Variants in NKAIN2 observed in about 807,000 individuals in gnomAD.
NKAIN2 encodes the protein sodium/potassium-transporting ATPase subunit beta-1-interacting protein 2.
In NKAIN2, 14 loss-of-function variants were observed where a neutral mutation model predicts 32.6. That is an observed-to-expected ratio of 0.43 (90% confidence interval 0.28 to 0.67). The LOEUF is 0.67. NKAIN2 is among the 30% of genes least tolerant of loss of function. The probability of loss-of-function intolerance (pLI) is 0.17; values close to 1 mark genes in which losing one functional copy is unlikely to be tolerated. For synonymous variants in NKAIN2, 80 were observed against 87.2 expected, an observed-to-expected ratio of 0.92 and a Z score of 0.46; for missense variants, 198 against 258.3, an observed-to-expected ratio of 0.77 and a Z score of 1.60.
chr6:123,827,337 C>T (rs1417271078), intron 1 of NKAIN2, among the ~76,000 whole-genome samples: 1 of 152,064 alleles, frequency 6.6e-6, no homozygotes, highest in Admixed American at 6.6e-5. Context: ...ATACAGGAAC[C>T]CTGCTACTTT....
chr6:123,806,493 A>G (rs1265184362), intron 1 of NKAIN2, among the ~76,000 whole-genome samples: 3 of 152,224 alleles, frequency 2.0e-5, no homozygotes, highest in Admixed American at 2.0e-4. Flanking sequence ...GATTTTAAAT[A>G]AAATAATTCT....
intron 4 of NKAIN2, among the ~76,000 whole-genome samples, chr6:124,691,182 A>G (rs60490958): frequency 0.066 from 10,015 of 152,162 alleles, 494 homozygotes; most frequent in African/African-American, 0.14. Context: ...TTATTTTCCT[A>G]TGCCACATTT....
chr6:124,147,638 A>C (rs527313940), intron 1 of NKAIN2, among the ~76,000 whole-genome samples: 2 of 152,260 alleles, frequency 1.3e-5, no homozygotes, highest in Non-Finnish European at 2.9e-5. Context: ...AAACAAAAAC[A>C]AAAAAACTGA....
chr6:123,940,294 TGTTTG>T (rs1371504297), intron 1 of NKAIN2, among the ~76,000 whole-genome samples: 1 of 151,658 alleles, frequency 6.6e-6, no homozygotes. Flanking sequence ...TTTATGTGTG[TGTTTG>T]GTTTGTGTGT....
intron 2 of NKAIN2, among the ~76,000 whole-genome samples, chr6:124,319,751 A>C (rs151169256): frequency 9.9e-5 from 15 of 152,214 alleles, no homozygotes; most frequent in African/African-American, 3.1e-4. Flanking sequence ...ATCTTTTATT[A>C]TGCATCAGGA....
intron 1 of NKAIN2, among the ~76,000 whole-genome samples, chr6:124,167,933 A>C (rs1018273393): frequency 6.6e-6 from 1 of 152,198 alleles, no homozygotes. Context: ...AATGTTTATC[A>C]AAGTACATGT....
chr6:124,659,571 C>A lies in NKAIN2; in HGVS notation c.474+1185C>A, dbSNP rs538039043. Among the ~76,000 whole-genome samples the A allele has an allele frequency of 2.6e-5, 4 of 152,148 alleles. No individual in the cohort carries two copies. In the South Asian group the frequency reaches 8.3e-4, roughly 32 times the overall value. ...CTATGTTAGTAAACACTTCCAAATT[C>A]TCTGTAAATAAAAGTCATGAAGGTT... is the stretch of plus-strand genomic sequence containing the variant. On this transcript the variant is annotated intron_variant, in intron 4 of 6. Coordinates refer to ENST00000368417, the MANE Select transcript of NKAIN2 (RefSeq NM_001040214.3).
At chr6:124,388,199 C>T (rs1292514580) in intron 3 of NKAIN2, among the ~76,000 whole-genome samples, 1 of 151,834 alleles carries the variant, frequency 6.6e-6, no homozygotes, top group Non-Finnish European at 1.5e-5. Context: ...AAAAACCCTG[C>T]TTACCCTCTT....
chr6:124,803,483 T>C (rs1022826735), intron 5 of NKAIN2, among the ~76,000 whole-genome samples: 5 of 152,200 alleles, frequency 3.3e-5, no homozygotes, highest in East Asian at 1.9e-4. Context: ...CCCAAATTCT[T>C]TGTGTTCTTT....
intron 3 of NKAIN2, among the ~76,000 whole-genome samples, chr6:124,520,028 G>A (rs1246018152): frequency 6.6e-6 from 1 of 152,082 alleles, no homozygotes; most frequent in Non-Finnish European, 1.5e-5. Context: ...CTCGAGCAAG[G>A]TCACAGACAA....
chr6:123,824,960 G>C (rs1774085863), intron 1 of NKAIN2, among the ~76,000 whole-genome samples: 1 of 152,000 alleles, frequency 6.6e-6, no homozygotes, highest in Admixed American at 6.6e-5. Flanking sequence ...AACCCATTTG[G>C]GCTGCTGTGA....
intron 3 of NKAIN2, among the ~76,000 whole-genome samples, chr6:124,615,150 G>A (rs568714921): frequency 2.6e-5 from 4 of 152,108 alleles, no homozygotes; most frequent in Non-Finnish European, 4.4e-5. Flanking sequence ...CATGTATCAC[G>A]TCACATAAAA....
At chr6:124,412,811 G>T (rs1268135655) in intron 3 of NKAIN2, among the ~76,000 whole-genome samples, 1 of 152,192 alleles carries the variant, frequency 6.6e-6, no homozygotes, top group Admixed American at 6.5e-5. Context: ...TTGATCTGTG[G>T]TGGGCTCCAC....
chr6:124,725,900 G>A (rs954924988), intron 4 of NKAIN2, among the ~76,000 whole-genome samples: 6 of 152,250 alleles, frequency 3.9e-5, no homozygotes, highest in South Asian at 2.1e-4. Flanking sequence ...CTTGGGAAGC[G>A]CAAGGGGTCA....
chr6:124,014,151 G>C (rs539783171), intron 1 of NKAIN2, among the ~76,000 whole-genome samples: 52 of 152,000 alleles, frequency 3.4e-4, no homozygotes, highest in African/African-American at 1.3e-3. Context: ...CATTTGCATT[G>C]TTTCTTGTCA....
intron 4 of NKAIN2, among the ~76,000 whole-genome samples, chr6:124,715,116 C>T (rs1320535241): frequency 6.6e-6 from 1 of 152,194 alleles, no homozygotes; most frequent in Non-Finnish European, 1.5e-5. Context: ...GGCAATTCCT[C>T]TCTGGAGCCC....
intron 1 of NKAIN2, among the ~76,000 whole-genome samples, chr6:124,185,367 A>G (rs1052805335): frequency 6.6e-6 from 1 of 152,198 alleles, no homozygotes; most frequent in Non-Finnish European, 1.5e-5. Context: ...TCACAGAAGT[A>G]CTGTGTGTCA....
intron 3 of NKAIN2, among the ~76,000 whole-genome samples, chr6:124,477,556 G>A (rs1157171539): frequency 6.6e-6 from 1 of 152,038 alleles, no homozygotes; most frequent in Non-Finnish European, 1.5e-5. Context: ...TGGTACTCCT[G>A]CATCAGCCCC....
At chr6:124,237,778 A>G (rs1332300925) in intron 1 of NKAIN2, among the ~76,000 whole-genome samples, 1 of 152,086 alleles carries the variant, frequency 6.6e-6, no homozygotes, top group Admixed American at 6.6e-5. Context: ...TCTTGAATGT[A>G]TGAGGCAAGA....
Sources: gnomAD v4.1 joint callset for allele counts (sites outside exome capture counted in the v4.1 genomes callset) on GRCh38, gnomAD v4.1.1 for gene constraint, MANE v1.5 for transcripts, NCBI Gene and HGNC (gene_info 2026-07-23, HGNC 2026-07-21) for gene names.